FRAS1: variants seen among roughly 807,000 people sequenced by gnomAD.
FRAS1 encodes the protein extracellular matrix organizing protein FRAS1.
A neutral mutation model predicts 435.2 loss-of-function variants in FRAS1; 290 were observed. That is an observed-to-expected ratio of 0.67 (90% CI 0.61 to 0.73). The LOEUF (loss-of-function observed/expected upper bound fraction) is 0.73, where lower values mean the gene tolerates loss of function less well. FRAS1 is among the 30% of genes least tolerant of loss of function. The pLI, the probability that FRAS1 is intolerant of heterozygous loss-of-function variation, is 0.00. For synonymous variants in FRAS1, 1,800 were observed against 1,851.0 expected, an observed-to-expected ratio of 0.97 and a Z score of 0.71; for missense variants, 4,860 against 5,001.5, an observed-to-expected ratio of 0.97 and a Z score of 0.85.
At chr4:78,432,746 C>T (rs1309451174) in intron 38 of FRAS1, 142 bp downstream of exon 38, 1 of 921,962 alleles carries the variant, frequency 1.1e-6, no homozygotes, top group African/African-American at 1.7e-5. Context: ...TCCCTACCTT[C>T]TACTGTTAGG....
intron 2 of FRAS1, among the ~76,000 whole-genome samples, chr4:78,113,648 A>G (rs1742899913): frequency 6.6e-6 from 1 of 152,046 alleles, no homozygotes; most frequent in Non-Finnish European, 1.5e-5. Context: ...GTCTGTTCAT[A>G]TCCTTTGCCC....
At chr4:78,347,866 C>T (rs1044084031) in intron 20 of FRAS1, among the ~76,000 whole-genome samples, 3 of 150,322 alleles carry the variant, frequency 2.0e-5, no homozygotes, top group Non-Finnish European at 2.9e-5. Context: ...CCTATATTAC[C>T]TTCCACAGTG....
At chr4:78,116,719 T>G (rs1355677485) in intron 2 of FRAS1, among the ~76,000 whole-genome samples, 2 of 152,242 alleles carry the variant, frequency 1.3e-5, no homozygotes, top group Non-Finnish European at 2.9e-5. Flanking sequence ...TGAGCCTATG[T>G]GTGTCTCTGC....
rs558587372 is a variant in FRAS1, at chr4:78,165,725, G to A, written c.109-71785G>A. On this transcript the variant is annotated intron_variant, in intron 2 of 73. Transcript: ENST00000512123. ...GCAAGTTGGCTAGGGGTTGGCTCCTGTGGAACTGCCTGCTTGCATGTCTAG... is the reference window on the plus strand; with the variant it reads ...GCAAGTTGGCTAGGGGTTGGCTCCTATGGAACTGCCTGCTTGCATGTCTAG... 1.7e-4 allele frequency among the ~76,000 whole-genome samples: 26 copies of A among 152,264 alleles called. No homozygotes were observed. The South Asian group carries it at 4.4e-3, about 26-fold the overall frequency.
At chr4:78,506,022 T>G (rs1720828274) in intron 61 of FRAS1, among the ~76,000 whole-genome samples, 1 of 152,212 alleles carries the variant, frequency 6.6e-6, no homozygotes, top group Non-Finnish European at 1.5e-5. Context: ...TTGCTGGAAG[T>G]CCACTCCAGA....
At chr4:78,519,904 G>A (rs747664662) in intron 67 of FRAS1, among the ~76,000 whole-genome samples, 13 of 152,180 alleles carry the variant, frequency 8.5e-5, no homozygotes, top group Non-Finnish European at 1.6e-4. Flanking sequence ...AAATATTTAT[G>A]TCAAGTAGCC....
In FRAS1 at chr4:78,489,968, C is replaced by CAACAAAAA. The variant is rs1553891074; in HGVS notation, c.8958+890_8958+891insCAAAAAAA. Among the ~76,000 whole-genome samples, 17 of 92,612 alleles carry CAACAAAAA rather than the reference C, an allele frequency of 1.8e-4. No homozygotes were observed. In the East Asian group the frequency reaches 3.6e-3, roughly 20 times the overall value. 60.8% of individuals were successfully genotyped at this position (92,612 alleles called of 152,430 possible). ...ACTCACCACTAAAGCTAGTGGAAAACAAAAAAAAAAAAAAAAAAAGAAAAG... is the reference window on the plus strand; with the variant it reads ...ACTCACCACTAAAGCTAGTGGAAAACAACAAAAAAAAAAAAAAAAAAAAAAAAGAAAAG... On this transcript the variant is annotated intron_variant, in intron 59 of 73. Transcript: ENST00000512123.
rs1259929439 is a variant in FRAS1, at chr4:78,482,530, A to C, written c.8747A>C (p.Gln2916Pro). 6.2e-7 allele frequency: 1 copy of C among 1,613,160 alleles called. No individual in the cohort carries two copies. The highest frequency in any genetic ancestry group is 2.2e-5 in the East Asian group (1 of 44,892). ...QAVIAINDTF[Q>P]DVPSMQFAKD... ...GTCATTGCAATTAATGACACATTCC[A>C]AGATGGTAAGAGATTGGGGATGCCA... The change falls in exon 58 of 74, where the codon CAA becomes CCA. Residue 2916 changes from glutamine (Q) to proline (P), a missense_variant. Gln to Pro is a moderately conservative substitution (Grantham distance 76). Coordinates refer to ENST00000512123, the MANE Select transcript of FRAS1 (RefSeq NM_025074.7).
At chr4:78,308,348 T>G in intron 15 of FRAS1, 139 bp downstream of exon 15, 1 of 924,396 alleles carries the variant, frequency 1.1e-6, no homozygotes, top group Non-Finnish European at 1.6e-6. Flanking sequence ...TAATCTTTGA[T>G]TTAGATGTGC....
In FRAS1 at chr4:78,446,801, C is replaced by A; in HGVS notation, c.5931C>A (p.Ser1977Arg). The A allele has an allele frequency of 6.2e-7, 1 of 1,613,242 alleles. No individual in the cohort carries two copies. The highest frequency in any genetic ancestry group is 1.7e-4 in the Middle Eastern group (1 of 6,060). The change falls in exon 43 of 74, where the codon AGC (serine) becomes AGA (arginine). Residue 1977 changes from serine to arginine, a missense_variant. Transcript: ENST00000512123. ...AGCTGAGCTCGGGAGTGGTGATAAG[C>A]AATTCTTCTTTGAGCCTGCAAGACC... ...RVQLSSGVVI[S>R]NSSLSLQDLD...
intron 33 of FRAS1, among the ~76,000 whole-genome samples, 193 bp from the exon 34 acceptor site, chr4:78,421,670 A>G (rs953107801): frequency 7.9e-5 from 12 of 152,216 alleles, no homozygotes; most frequent in Non-Finnish European, 1.6e-4. Flanking sequence ...ATCTCAGTCA[A>G]TACTCATTTG....
chr4:78,146,222 C>G (rs1720416740), intron 2 of FRAS1, among the ~76,000 whole-genome samples: 1 of 152,114 alleles, frequency 6.6e-6, no homozygotes, highest in Admixed American at 6.6e-5. Flanking sequence ...CAGCAGTCCC[C>G]TATACAAGTT....
At chr4:78,277,818 A>ATT (rs1042052240) in intron 9 of FRAS1, among the ~76,000 whole-genome samples, 2 of 146,784 alleles carry the variant, frequency 1.4e-5, no homozygotes, top group Non-Finnish European at 3.0e-5. Flanking sequence ...TCCACTTATA[A>ATT]TTTTTTTTTT....
intron 2 of FRAS1, among the ~76,000 whole-genome samples, chr4:78,116,946 C>A (rs1487635210): frequency 1.3e-5 from 2 of 152,188 alleles, no homozygotes; most frequent in Admixed American, 1.3e-4. Context: ...TACAATTTGG[C>A]ATGTTTTTGC....
At chr4:78,248,232 G>T (rs111531489) in intron 4 of FRAS1, among the ~76,000 whole-genome samples, 1 of 152,176 alleles carries the variant, frequency 6.6e-6, no homozygotes, top group Admixed American at 6.5e-5. Flanking sequence ...TATGACCTTC[G>T]CAAAGCTATA....
chr4:78,429,239 A>G lies in FRAS1; in HGVS notation c.4843+13A>G. Reference sequence around the variant, plus strand: ...AGCACTTCTGTAGGTAAGAACTGGGAGCCTGATAGAAACATGGCTTTGGAA... The same window carrying G: ...AGCACTTCTGTAGGTAAGAACTGGGGGCCTGATAGAAACATGGCTTTGGAA... On this transcript the variant is annotated intron_variant, in intron 36 of 73. Coordinates refer to ENST00000512123, the MANE Select transcript of FRAS1 (RefSeq NM_025074.7). The G allele has an allele frequency of 6.2e-7, 1 of 1,601,024 alleles. No homozygotes were observed.
At chr4:78,211,471 A>G (rs1456594378) in intron 2 of FRAS1, among the ~76,000 whole-genome samples, 7 of 152,196 alleles carry the variant, frequency 4.6e-5, no homozygotes, top group Non-Finnish European at 1.5e-5. Flanking sequence ...TTATGTGCTC[A>G]TTGGGCTAAC....
At chr4:78,304,609 G>A (rs997240760) in intron 14 of FRAS1, among the ~76,000 whole-genome samples, 10 of 151,696 alleles carry the variant, frequency 6.6e-5, no homozygotes, top group African/African-American at 1.7e-4. Context: ...TGTATGTGTC[G>A]AGGAATTTAC....
rs1163363982 is a variant in FRAS1, at chr4:78,540,837, C to G, written c.11752C>G (p.Leu3918Val). Residue 3918 changes from leucine (L) to valine (V), a missense_variant, in exon 74 of 74, where the codon CTG (leucine) becomes GTG (valine). By Grantham distance (32) the Leu-to-Val change is conservative. Coordinates refer to ENST00000512123, the MANE Select transcript of FRAS1 (RefSeq NM_025074.7). ...CCTGGCTGCAATCATGCTTCTACTT[C>G]TGGTGTTTTTGGTGGCTTGTTTTAT... ...SALAAIMLLL[L>V]VFLVACFINR... 1.2e-6 allele frequency: 2 copies of G among 1,613,938 alleles called. No homozygotes were observed. The highest frequency in any genetic ancestry group is 1.7e-5 in the Admixed American group (1 of 60,028).
Sources: allele counts gnomAD v4.1 joint callset (sites outside exome capture counted in the v4.1 genomes callset), GRCh38; gene constraint gnomAD v4.1.1; transcripts MANE v1.5; gene names NCBI Gene and HGNC (gene_info 2026-07-23, HGNC 2026-07-21).